CUX1: variants seen among roughly 807,000 people sequenced by gnomAD.
CUX1 encodes the protein cut like homeobox 1.
CUX1 carries 31 observed loss-of-function variants against 158.8 expected under a neutral mutation model. The observed-to-expected ratio is 0.20, with a 90% CI of 0.15 to 0.26. The LOEUF (loss-of-function observed/expected upper bound fraction) is 0.26, where lower values mean the gene tolerates loss of function less well. Ranked by LOEUF, CUX1 falls within the 10% of genes least tolerant of loss-of-function variation. CUX1 has a pLI of 1.00. For synonymous variants in CUX1, 879 were observed against 862.1 expected (o/e 1.02, Z -0.34); for missense variants, 1,589 against 2,014.6 (o/e 0.79, Z 4.04).
intron 8 of CUX1, among the ~76,000 whole-genome samples, chr7:102,155,627 A>C (rs1269484476): frequency 2.6e-5 from 4 of 152,056 alleles, no homozygotes; most frequent in Admixed American, 6.5e-5. Context: ...TGTCTGAAGG[A>C]GTTTACGCTC....
intron 14 of CUX1, 45 bp from the exon 15 acceptor site, chr7:102,196,589 C>G (rs1794820527): frequency 2.1e-6 from 3 of 1,409,902 alleles, no homozygotes; most frequent in Non-Finnish European, 1.9e-6. Context: ...TTTTTTTCCC[C>G]CTTTGGAATC....
intron 2 of CUX1, among the ~76,000 whole-genome samples, chr7:102,010,971 G>A (rs1321852634): frequency 6.6e-6 from 1 of 152,064 alleles, no homozygotes; most frequent in Admixed American, 6.6e-5. Context: ...AAATTAGCCA[G>A]GCATGGTGGC....
Position 102,250,343 on chromosome 7 carries a change from ATC to A in CUX1, c.*1309_*1310del. The A allele has an allele frequency of 1.0e-6, 1 of 985,402 alleles. No individual in the cohort carries two copies. Among genetic ancestry groups the A allele is most frequent in the Non-Finnish European group, 1.2e-6 (1 of 829,954 alleles). 61.0% of individuals were successfully genotyped at this position (985,402 alleles called of 1,614,324 possible). A position where few individuals can be genotyped will look rare whatever the true frequency, so the allele number is the denominator to read the frequency against. On this transcript the variant is annotated 3_prime_UTR_variant, in exon 24 of 24. Transcript: ENST00000292535. ...TCCCCAAGTAGATAGCAGTCTACGGATCTCTCTCTGGCACAGAAGGCACCTCA... is the reference window on the plus strand; with the variant it reads ...TCCCCAAGTAGATAGCAGTCTACGGATCTCTCTGGCACAGAAGGCACCTCA...
At chr7:101,899,023 C>T (rs1396305803) in intron 1 of CUX1, among the ~76,000 whole-genome samples, 1 of 152,230 alleles carries the variant, frequency 6.6e-6, no homozygotes, top group East Asian at 1.9e-4. Flanking sequence ...CCTGTGGCTT[C>T]TTATCTGTGA....
intron 22 of CUX1, among the ~76,000 whole-genome samples, chr7:102,235,438 T>G (rs1386032195): frequency 1.4e-4 from 22 of 151,780 alleles, no homozygotes; most frequent in Non-Finnish European, 2.5e-4. Flanking sequence ...CAGTGGCTCA[T>G]GTCTGTAATC....
rs557043447 is a variant in CUX1, at chr7:102,040,746, G to A, written c.189+12601G>A. Among the ~76,000 whole-genome samples the A allele has an allele frequency of 1.3e-3, 191 of 152,286 alleles. 2 individuals are homozygous for A. The Middle Eastern group carries it at 0.02, about 16-fold the overall frequency. ...TAAAGCCAGGGCGTCCATGTGGTTC[G>A]CTCCAAAGAGCATTTCACAGGGAGC... On this transcript the variant is annotated intron_variant, in intron 3 of 23. Coordinates refer to ENST00000292535, the MANE Select transcript of CUX1 (RefSeq NM_181552.4).
chr7:101,973,038 T>A (rs1012476818), intron 2 of CUX1, among the ~76,000 whole-genome samples: 4 of 152,164 alleles, frequency 2.6e-5, no homozygotes, highest in African/African-American at 9.7e-5. Context: ...TTTAGAGGGT[T>A]GCTTTTCAGG....
intron 8 of CUX1, among the ~76,000 whole-genome samples, chr7:102,138,098 T>C (rs1244076445): frequency 3.3e-5 from 5 of 152,124 alleles, no homozygotes; most frequent in African/African-American, 1.2e-4. Context: ...GAGGGAGGAT[T>C]GCTTGAGCCC....
intron 1 of CUX1, among the ~76,000 whole-genome samples, chr7:101,842,131 A>G (rs1242386940): frequency 5.9e-5 from 9 of 152,052 alleles, no homozygotes; most frequent in Admixed American, 3.3e-4. Flanking sequence ...TGTCATTTTT[A>G]TCACATATGG....
At chr7:101,901,301 T>C (rs1802114282) in intron 1 of CUX1, among the ~76,000 whole-genome samples, 1 of 152,020 alleles carries the variant, frequency 6.6e-6, no homozygotes, top group South Asian at 2.1e-4. Flanking sequence ...AATCTGTTTT[T>C]ATTTGTTTTT....
intron 10 of CUX1, among the ~76,000 whole-genome samples, chr7:102,175,488 TC>T (rs1554511603): frequency 6.6e-6 from 1 of 152,020 alleles, no homozygotes. Flanking sequence ...TGGCAGGGAC[TC>T]CCCAGGGCTG....
chr7:101,975,264 AAGAGAG>A (rs58160469), intron 2 of CUX1, among the ~76,000 whole-genome samples: 2 of 151,244 alleles, frequency 1.3e-5, no homozygotes, highest in African/African-American at 2.4e-5. Flanking sequence ...AGGAAAAAAA[AAGAGAG>A]AGAGAGAGAG....
chr7:102,218,977 C>T (rs1797520075), intron 20 of CUX1, among the ~76,000 whole-genome samples: 1 of 151,156 alleles, frequency 6.6e-6, no homozygotes, highest in African/African-American at 2.4e-5. Flanking sequence ...CACTTGAGCC[C>T]AGGAGGCAGA....
intron 15 of CUX1, among the ~76,000 whole-genome samples, chr7:102,198,152 T>C (rs1009391746): frequency 6.6e-6 from 1 of 151,998 alleles, no homozygotes; most frequent in East Asian, 1.9e-4. Flanking sequence ...CCCAGCTACT[T>C]GAGAGGCTAA....
intron 3 of CUX1, among the ~76,000 whole-genome samples, chr7:102,051,518 C>T (rs1156609689): frequency 3.9e-5 from 6 of 152,028 alleles, no homozygotes; most frequent in Middle Eastern, 3.4e-3. Flanking sequence ...CATGATGGTG[C>T]GCAACTGTAG....
At chr7:102,143,095 CA>C (rs1367101941) in intron 8 of CUX1, among the ~76,000 whole-genome samples, 1 of 152,144 alleles carries the variant, frequency 6.6e-6, no homozygotes, top group African/African-American at 2.4e-5. Flanking sequence ...CCAGGGGGCT[CA>C]ATGGATGGCA....
chr7:101,888,331 CA>C (rs915864487), intron 1 of CUX1, among the ~76,000 whole-genome samples: 1 of 147,708 alleles, frequency 6.8e-6, no homozygotes, highest in African/African-American at 2.5e-5. Context: ...GCTCCGTCTC[CA>C]AAAAAAAAGA....
intron 1 of CUX1, among the ~76,000 whole-genome samples, chr7:101,844,090 A>G (rs1316545007): frequency 6.6e-6 from 1 of 152,222 alleles, no homozygotes; most frequent in Non-Finnish European, 1.5e-5. Flanking sequence ...GTGTCAACCA[A>G]TCAGCCCTAA....
In CUX1 at chr7:102,073,165, C is replaced by CTTTTTTTTTTTTTTTTTTTTTTTTTTT. The variant is rs869202667; in HGVS notation, c.268+2772_268+2773insTTTTTTTTTTTTTTTTTTTTTTTTTTT. On this transcript the variant is annotated intron_variant, in intron 4 of 23. Transcript: ENST00000292535. The stretch of plus-strand genomic sequence containing the variant: ...AAATAATATGTAATCTCTTTTCTTT[C>CTTTTTTTTTTTTTTTTTTTTTTTTTTT]TTTTTTTTTTTTTTTTTTTTTTTTC... 3.0e-4 allele frequency among the ~76,000 whole-genome samples: 20 copies of CTTTTTTTTTTTTTTTTTTTTTTTTTTT among 66,890 alleles called. 7 individuals carry two copies. The highest frequency in any genetic ancestry group is 1.2e-3 in the African/African-American group (19 of 15,580). 43.9% of individuals were successfully genotyped at this position (66,890 alleles called of 152,430 possible).
Sources: allele counts gnomAD v4.1 joint callset (sites outside exome capture counted in the v4.1 genomes callset), GRCh38; gene constraint gnomAD v4.1.1; transcripts MANE v1.5; gene names NCBI Gene and HGNC (gene_info 2026-07-23, HGNC 2026-07-21).